The following LGSN variants were observed in gnomAD, a reference collection of about 807,000 sequenced individuals.
The protein encoded by LGSN is lengsin.
In LGSN, 21 loss-of-function variants were observed where a neutral mutation model predicts 19.5. That is an observed-to-expected ratio of 1.07 (90% CI 0.76 to 1.55). LGSN has a LOEUF of 1.55. Ranked by LOEUF, LGSN falls within the 40% of genes most tolerant of loss-of-function variation. The probability of loss-of-function intolerance (pLI) is 0.00; values close to 1 mark genes in which losing one functional copy is unlikely to be tolerated. For synonymous variants in LGSN, 257 were observed against 215.6 expected (o/e 1.19, Z -1.68); for missense variants, 673 against 608.5 (o/e 1.11, Z -1.12).
At chr6:63,446,124 C>G in the LGSN span, among the ~76,000 whole-genome samples, 3 of 151,872 alleles carry the variant, frequency 2.0e-5, no homozygotes, top group Non-Finnish European at 4.4e-5. Flanking sequence ...GTGGCACATT[C>G]CTGTAGTCCC....
the LGSN span, among the ~76,000 whole-genome samples, chr6:63,433,113 C>G: frequency 1.3e-5 from 2 of 151,956 alleles, no homozygotes; most frequent in African/African-American, 4.8e-5. Context: ...TCCAAACACC[C>G]CCATGTATAA....
chr6:63,500,266 GAA>G, the LGSN span, among the ~76,000 whole-genome samples: 3 of 150,180 alleles, frequency 2.0e-5, no homozygotes, highest in African/African-American at 4.9e-5. Context: ...AAGTATAATG[GAA>G]AAAAAAAAGA....
the LGSN span, among the ~76,000 whole-genome samples, chr6:63,406,639 C>T: frequency 6.6e-6 from 1 of 151,756 alleles, no homozygotes; most frequent in Non-Finnish European, 1.5e-5. Context: ...AGAGCAAACA[C>T]ATTCAAAAGC....
At chr6:63,482,304 CA>C in the LGSN span, among the ~76,000 whole-genome samples, 88 of 152,188 alleles carry the variant, frequency 5.8e-4, no homozygotes, top group African/African-American at 1.7e-3. Context: ...GGTAGGCAGC[CA>C]AAAAATATTT....
chr6:63,323,773 CTT>C (rs150256951), upstream of LGSN, among the ~76,000 whole-genome samples: 723 of 126,162 alleles, frequency 5.7e-3, 19 homozygotes, highest in African/African-American at 0.019. Flanking sequence ...TTTTTGCATT[CTT>C]TTTTTTTTTT....
the LGSN span, among the ~76,000 whole-genome samples, chr6:63,519,372 G>A: frequency 1.3e-5 from 2 of 152,088 alleles, 1 homozygote; most frequent in South Asian, 4.1e-4. Flanking sequence ...ATGAGTTCAG[G>A]TCAAGTCAGG....
the LGSN span, among the ~76,000 whole-genome samples, chr6:63,446,120 C>T: frequency 6.6e-6 from 1 of 151,646 alleles, no homozygotes; most frequent in East Asian, 1.9e-4. Context: ...CATGGTGGCA[C>T]ATTCCTGTAG....
the LGSN span, among the ~76,000 whole-genome samples, chr6:63,328,133 G>A: frequency 6.6e-6 from 1 of 152,220 alleles, no homozygotes; most frequent in Non-Finnish European, 1.5e-5. Flanking sequence ...CTGGGCACTG[G>A]TCCCTGGGGG....
chr6:63,389,314 A>G, the LGSN span, among the ~76,000 whole-genome samples: 1 of 152,202 alleles, frequency 6.6e-6, no homozygotes, highest in Non-Finnish European at 1.5e-5. Context: ...CTTACCTTAC[A>G]TTTTCAGATA....
At chr6:63,481,325 A>AAAACCAC in the LGSN span, among the ~76,000 whole-genome samples, 3 of 151,360 alleles carry the variant, frequency 2.0e-5, no homozygotes, top group African/African-American at 7.3e-5. Context: ...GCATGCAACA[A>AAAACCAC]AAACCACTTG....
the LGSN span, among the ~76,000 whole-genome samples, chr6:63,452,765 T>TC: frequency 0.46 from 69,245 of 151,078 alleles, 17,631 homozygotes; most frequent in Non-Finnish European, 0.56. Flanking sequence ...TTTTTTTTCT[T>TC]CTTTTTTCTG....
At chr6:63,356,968 C>T in the LGSN span, among the ~76,000 whole-genome samples, 8 of 147,404 alleles carry the variant, frequency 5.4e-5, no homozygotes, top group Non-Finnish European at 1.1e-4. Context: ...TCTCCTAATG[C>T]CATCCCTCCC....
chr6:63,542,009 A>G, the LGSN span, among the ~76,000 whole-genome samples: 1 of 144,620 alleles, frequency 6.9e-6, no homozygotes, highest in Admixed American at 7.3e-5. Flanking sequence ...CATTTGGTGG[A>G]TAAAGAAACT....
chr6:63,309,017 A>T (rs1768517434), intron 1 of LGSN, among the ~76,000 whole-genome samples: 1 of 152,232 alleles, frequency 6.6e-6, no homozygotes, highest in Non-Finnish European at 1.5e-5. Context: ...ATAATCCAAG[A>T]TACGTCATGT....
the LGSN span, chr6:63,392,316 T>TAGCAG: frequency 6.6e-6 from 1 of 152,356 alleles, no homozygotes; most frequent in Non-Finnish European, 1.5e-5. Flanking sequence ...CAGGCCTGCT[T>TAGCAG]AGGCCCAGCC....
intron 2 of LGSN, among the ~76,000 whole-genome samples, chr6:63,291,264 G>C (rs919993286): frequency 1.3e-5 from 2 of 152,184 alleles, no homozygotes; most frequent in African/African-American, 4.8e-5. Flanking sequence ...AACCAGCTCA[G>C]TGGAAATTCC....
chr6:63,416,263 T>C, the LGSN span, among the ~76,000 whole-genome samples: 1 of 152,122 alleles, frequency 6.6e-6, no homozygotes, highest in African/African-American at 2.4e-5. Context: ...AACACGGGCA[T>C]ACATGTTTGA....
chr6:63,415,639 G>A, the LGSN span, among the ~76,000 whole-genome samples: 2 of 152,208 alleles, frequency 1.3e-5, no homozygotes, highest in East Asian at 1.9e-4. Flanking sequence ...TGGGGATTAT[G>A]AGGACTATAA....
At chr6:63,377,757 A>T in the LGSN span, among the ~76,000 whole-genome samples, 1 of 151,778 alleles carries the variant, frequency 6.6e-6, no homozygotes, top group East Asian at 1.9e-4. Flanking sequence ...TACCAAAAAT[A>T]CAAAAAATTA....
Sources: allele counts gnomAD v4.1 joint callset (sites outside exome capture counted in the v4.1 genomes callset), GRCh38; gene constraint gnomAD v4.1.1; transcripts MANE v1.5; gene names NCBI Gene and HGNC (gene_info 2026-07-23, HGNC 2026-07-21).